Variants in UBTD1 observed in about 807,000 individuals in gnomAD.
UBTD1 encodes the protein ubiquitin domain-containing protein 1.
Under a neutral mutation model 21.7 loss-of-function variants are expected in UBTD1, and 19 were observed. The observed-to-expected ratio is 0.87, with a 90% CI of 0.61 to 1.28. UBTD1 has a LOEUF of 1.28. UBTD1 is among the 50% of genes most tolerant of loss of function. UBTD1 has a pLI of 0.00. For missense variants in UBTD1, 282 were observed against 315.1 expected (o/e 0.89, Z 0.80); for synonymous variants, 116 against 135.1 (o/e 0.86, Z 0.98).
At chr10:97,567,589 G>C (rs1196717916) in intron 1 of UBTD1, among the ~76,000 whole-genome samples, 1 of 151,972 alleles carries the variant, frequency 6.6e-6, no homozygotes, top group Non-Finnish European at 1.5e-5. Context: ...AACCCGGGAG[G>C]CGGAGGTTGC....
chr10:97,570,860 T>A lies in UBTD1; in HGVS notation c.*337T>A. The A allele has an allele frequency of 3.7e-6, 1 of 271,202 alleles. No homozygotes were observed. The highest frequency in any genetic ancestry group is 7.1e-6 in the Non-Finnish European group (1 of 139,980). The allele number at this position is 271,202 out of a possible 1,614,324, so 16.8% of individuals were successfully genotyped here. On this transcript the variant is annotated 3_prime_UTR_variant, in exon 3 of 3. Transcript: ENST00000370664. This position sits in a 1 kb window ranked among gnomAD's most constrained non-coding sequence, Gnocchi z 6.6. ...CTGGTGCTGCCAGCTGTGCTCACTCTGGTTTTCTGCTCAGGGTCTGAAGCA... is the reference window on the plus strand; with the variant it reads ...CTGGTGCTGCCAGCTGTGCTCACTCAGGTTTTCTGCTCAGGGTCTGAAGCA...
At chr10:97,554,466 C>T (rs1285659332) in intron 1 of UBTD1, among the ~76,000 whole-genome samples, 5 of 151,864 alleles carry the variant, frequency 3.3e-5, no homozygotes, top group African/African-American at 2.4e-5. Flanking sequence ...AGGCTGGTCT[C>T]GAACTCCTGG....
At chr10:97,532,500 T>C (rs1006600900) in intron 1 of UBTD1, among the ~76,000 whole-genome samples, 1 of 150,974 alleles carries the variant, frequency 6.6e-6, no homozygotes, top group Non-Finnish European at 1.5e-5. Flanking sequence ...ACAAAAAAAT[T>C]AGCCAGGCGA....
At chr10:97,538,800 G>A (rs555118184) in intron 1 of UBTD1, among the ~76,000 whole-genome samples, 4 of 152,168 alleles carry the variant, frequency 2.6e-5, no homozygotes, top group Non-Finnish European at 5.9e-5. Flanking sequence ...TTGCACATAT[G>A]GTTTGCTTTG....
Position 97,564,040 on chromosome 10 carries a change from G to A in UBTD1, c.71-3874G>A, listed in dbSNP as rs190998961. On this transcript the variant is annotated intron_variant, in intron 1 of 2. Transcript: ENST00000370664. ...ACCCAATGGGGAGGGTCCTGCAGGC[G>A]GATGGCAGTTGGGGTACTATAGATG... Among the ~76,000 whole-genome samples the A allele has an allele frequency of 3.9e-5, 6 of 152,240 alleles. 1 individual carries two copies. Among genetic ancestry groups the A allele is most frequent in the East Asian group, 1.9e-4 (1 of 5,178 alleles).
Position 97,529,351 on chromosome 10 carries a change from C to T in UBTD1, c.70+30078C>T, listed in dbSNP as rs2040514239. On this transcript the variant is annotated intron_variant, in intron 1 of 2. Transcript: ENST00000370664. ...GCCAGGCAGAGACGCTCCTCACTTC[C>T]CAGACGGGGTAGCGGCTGGGCAGAG... is the stretch of plus-strand genomic sequence containing the variant. Among the ~76,000 whole-genome samples, 3 of 152,166 alleles carry T rather than the reference C, an allele frequency of 2.0e-5. No homozygotes were observed. In the South Asian group the frequency reaches 6.2e-4, roughly 31 times the overall value.
intron 1 of UBTD1, among the ~76,000 whole-genome samples, chr10:97,499,521 G>T (rs1050411560): frequency 2.0e-5 from 3 of 152,202 alleles, no homozygotes; most frequent in Admixed American, 1.3e-4. Flanking sequence ...TGGTGGGGGT[G>T]GGGGCAGGAA....
At chr10:97,554,993 C>CCT (rs1300441585) in intron 1 of UBTD1, among the ~76,000 whole-genome samples, 1 of 152,144 alleles carries the variant, frequency 6.6e-6, no homozygotes, top group African/African-American at 2.4e-5. Flanking sequence ...CTGGGCCTGC[C>CCT]CTCTCCCCAT....
chr10:97,568,981 G>A (rs1051564997), intron 2 of UBTD1, among the ~76,000 whole-genome samples: 1 of 152,110 alleles, frequency 6.6e-6, no homozygotes, highest in African/African-American at 2.4e-5. Flanking sequence ...GCGCCATCAC[G>A]CCCAGCTAAT....
chr10:97,548,583 G>T (rs1032000560), intron 1 of UBTD1, among the ~76,000 whole-genome samples: 22 of 152,270 alleles, frequency 1.4e-4, no homozygotes, highest in African/African-American at 4.6e-4. Context: ...ATCACTTGAG[G>T]CCAGGAGTTC....
At chr10:97,561,365 G>C (rs1036250012) in intron 1 of UBTD1, among the ~76,000 whole-genome samples, 7 of 152,108 alleles carry the variant, frequency 4.6e-5, no homozygotes, top group African/African-American at 1.4e-4. Context: ...CTCAGACACC[G>C]AGTTGTAGAA....
intron 1 of UBTD1, among the ~76,000 whole-genome samples, chr10:97,530,450 AC>A (rs2040523764): frequency 6.6e-6 from 1 of 152,376 alleles, no homozygotes; most frequent in Admixed American, 6.5e-5. Flanking sequence ...AAAAATTTTT[AC>A]AAAAGCATAC....
intron 1 of UBTD1, among the ~76,000 whole-genome samples, chr10:97,520,342 C>CT (rs1421982489): frequency 1.3e-5 from 2 of 152,124 alleles, no homozygotes; most frequent in Non-Finnish European, 2.9e-5. Context: ...TGGTTCAAGG[C>CT]TAATCTGAAG....
chr10:97,503,714 C>G (rs930546244), intron 1 of UBTD1, among the ~76,000 whole-genome samples: 1 of 152,158 alleles, frequency 6.6e-6, no homozygotes, highest in Non-Finnish European at 1.5e-5. Flanking sequence ...TACTGAGTGC[C>G]AAGCACCCTG....
chr10:97,502,160 C>T (rs1219227532), intron 1 of UBTD1, among the ~76,000 whole-genome samples: 1 of 152,122 alleles, frequency 6.6e-6, no homozygotes, highest in Non-Finnish European at 1.5e-5. Flanking sequence ...CAACTTCATC[C>T]TACCATCTGC....
At position 97,499,259 on chromosome 10, in the gene UBTD1, C is replaced by A; in HGVS notation, c.56C>A (p.Pro19His). Residue 19 changes from proline (P) to histidine (H), a missense_variant, in exon 1 of 3, where the codon CCC becomes CAC. Physicochemically the swap from Pro to His is moderately conservative, Grantham distance 77 (BLOSUM62 -2). Coordinates refer to ENST00000370664, the MANE Select transcript of UBTD1 (RefSeq NM_024954.5). The part of the protein sequence containing the change: ...RRERPAAPGH[P>H]RKRAGRNEPL... ...GAGAGGCCGGCAGCCCCGGGACACC[C>A]CCGCAAGCGAGCAGGTAACGATGGG... The A allele has an allele frequency of 3.9e-6, 6 of 1,548,694 alleles. No homozygotes were observed. Among genetic ancestry groups the A allele is most frequent in the Non-Finnish European group, 5.2e-6 (6 of 1,145,854 alleles).
chr10:97,537,897 C>G (rs1317680334), intron 1 of UBTD1, among the ~76,000 whole-genome samples: 1 of 150,998 alleles, frequency 6.6e-6, no homozygotes, highest in African/African-American at 2.4e-5. Context: ...ATGATCTCAC[C>G]CCACTGCAAC....
intron 1 of UBTD1, among the ~76,000 whole-genome samples, chr10:97,503,326 A>G (rs2040385620): frequency 6.6e-6 from 1 of 151,916 alleles, no homozygotes; most frequent in African/African-American, 2.4e-5. Flanking sequence ...TTGGGGATTT[A>G]CTCCTTTGGT....
chr10:97,546,650 G>A (rs1205169467), intron 1 of UBTD1, among the ~76,000 whole-genome samples: 2 of 150,688 alleles, frequency 1.3e-5, no homozygotes, highest in Non-Finnish European at 2.9e-5. Flanking sequence ...GGATAGCACT[G>A]GCCCAGCTGT....
Sources: gnomAD v4.1 joint callset for allele counts (sites outside exome capture counted in the v4.1 genomes callset) on GRCh38, gnomAD v4.1.1 for gene constraint, Gnocchi (gnomAD v3.1) non-coding constraint, MANE v1.5 for transcripts, NCBI Gene and HGNC (gene_info 2026-07-23, HGNC 2026-07-21) for gene names.